Variants in SPAG1 observed in about 807,000 individuals in gnomAD.
SPAG1 encodes sperm associated antigen 1, also known as sperm-associated antigen 1.
In SPAG1, 69 loss-of-function variants were observed where a neutral mutation model predicts 100.5. The ratio of observed to expected loss-of-function variants is 0.69; its 90% confidence interval spans 0.57 to 0.84. SPAG1 has a LOEUF of 0.84. SPAG1 is among the 40% of genes least tolerant of loss of function. SPAG1 has a pLI of 0.00. For synonymous variants in SPAG1, 336 were observed against 411.6 expected, an observed-to-expected ratio of 0.82 and a Z score of 2.22; for missense variants, 955 against 1,133.1, an observed-to-expected ratio of 0.84 and a Z score of 2.26.
chr8:100,239,289 C>A lies in SPAG1; in HGVS notation c.2165C>A (p.Pro722Gln). ...CTCAATAAAGTTATCCTACTAGATC[C>A]AAGTATTATTGAGGCAAAGATGGAA... Reference protein sequence around the residue: ...IDLNKVILLDPSIIEAKMELE... With the variant: ...IDLNKVILLDQSIIEAKMELE... The change falls in exon 17 of 19, where the codon CCA becomes CAA. Residue 722 changes from proline (P) to glutamine (Q), a missense_variant. Transcript: ENST00000388798. The surrounding 1 kb of genome is among the most constrained non-coding windows in gnomAD (Gnocchi z 5.0). 1 of 1,541,930 alleles carries A rather than the reference C, an allele frequency of 6.5e-7. No homozygotes were observed. Among genetic ancestry groups the A allele is most frequent in the Non-Finnish European group, 8.7e-7 (1 of 1,145,764 alleles).
At chr8:100,212,429 T>A (rs1457703903) in intron 10 of SPAG1, among the ~76,000 whole-genome samples, 1 of 152,192 alleles carries the variant, frequency 6.6e-6, no homozygotes, top group African/African-American at 2.4e-5. Context: ...CTTTTTATAT[T>A]TAAAAATAGA....
At chr8:100,221,073 C>A (rs2919470) in intron 13 of SPAG1, among the ~76,000 whole-genome samples, 101,811 of 149,084 alleles carry the variant, frequency 0.68, 35,097 homozygotes, top group African/African-American at 0.83. Context: ...ATTCCAACTC[C>A]AAAAAAAAAA....
intron 4 of SPAG1, among the ~76,000 whole-genome samples, chr8:100,178,381 G>T (rs964450516): frequency 2.0e-5 from 3 of 151,844 alleles, no homozygotes; most frequent in Admixed American, 2.0e-4. Context: ...ACTTATAAAT[G>T]TCATTCCTCT....
At chr8:100,161,215 G>A (rs1342850829) in intron 1 of SPAG1, among the ~76,000 whole-genome samples, 11 of 152,052 alleles carry the variant, frequency 7.2e-5, no homozygotes, top group Non-Finnish European at 1.2e-4. Flanking sequence ...GTGGTGGCAC[G>A]TGCCTGTAGT....
At position 100,225,244 on chromosome 8, in the gene SPAG1, C is replaced by G. The variant is rs765129344; in HGVS notation, c.1760C>G (p.Pro587Arg). 1.2e-6 allele frequency: 2 copies of G among 1,613,912 alleles called. No individual in the cohort carries two copies. Among genetic ancestry groups the G allele is most frequent in the South Asian group, 2.2e-5 (2 of 91,074 alleles). ...REKLSPIPAVPASVPLQAWHP... is the reference protein window; with the variant it reads ...REKLSPIPAVRASVPLQAWHP... Reference sequence around the variant, plus strand: ...AAGCTGTCACCTATTCCTGCTGTGCCTGCTTCTGTGCCACTGCAAGCTTGG... The same window carrying G: ...AAGCTGTCACCTATTCCTGCTGTGCGTGCTTCTGTGCCACTGCAAGCTTGG... Residue 587 changes from proline (P) to arginine (R), a missense_variant, in exon 14 of 19, where the codon CCT (proline) becomes CGT (arginine). By Grantham distance (103) the Pro-to-Arg change is moderately radical (BLOSUM62 -2). Transcript: ENST00000388798.
intron 13 of SPAG1, among the ~76,000 whole-genome samples, chr8:100,221,378 C>T (rs570617474): frequency 6.6e-6 from 1 of 152,268 alleles, no homozygotes; most frequent in South Asian, 2.1e-4. Flanking sequence ...CCTATTTACC[C>T]CCAGCGTGAG....
chr8:100,193,143 CAA>C (rs919247996), intron 9 of SPAG1, among the ~76,000 whole-genome samples: 4 of 152,044 alleles, frequency 2.6e-5, no homozygotes, highest in Admixed American at 6.6e-5. Context: ...ATATACTTTT[CAA>C]AGACACTATT....
In SPAG1 at chr8:100,231,190, A is replaced by G. The variant is rs141919974; in HGVS notation, c.1890A>G (p.Gly630=). 13 of 1,608,166 alleles carry G rather than the reference A, an allele frequency of 8.1e-6. No individual in the cohort carries two copies. The African/African-American group carries it at 1.1e-4, about 13-fold the overall frequency. ...EKTFKALKEE[G]NQCVNDKNYK... ...CATTTAAAGCCCTTAAGGAAGAAGG[A>G]AATCAATGTGTAAATGACAAAAACT... Residue 630 remains glycine, a synonymous_variant, in exon 15 of 19, where the codon GGA becomes GGG. Coordinates refer to ENST00000388798, the MANE Select transcript of SPAG1 (RefSeq NM_003114.5).
intron 10 of SPAG1, among the ~76,000 whole-genome samples, chr8:100,208,487 A>G (rs1479811637): frequency 3.9e-5 from 6 of 152,230 alleles, no homozygotes; most frequent in African/African-American, 1.2e-4. Context: ...CCATCAGGAA[A>G]AAAAACCACG....
At chr8:100,233,949 G>C (rs1396993409) in intron 16 of SPAG1, among the ~76,000 whole-genome samples, 1 of 152,226 alleles carries the variant, frequency 6.6e-6, no homozygotes, top group Non-Finnish European at 1.5e-5. Context: ...CGGAAGTTGG[G>C]AGAGACACAT....
intron 13 of SPAG1, among the ~76,000 whole-genome samples, chr8:100,223,197 C>T (rs1818359223): frequency 6.6e-6 from 1 of 152,148 alleles, no homozygotes; most frequent in African/African-American, 2.4e-5. Flanking sequence ...TCATTTTCAC[C>T]TTTTGGCTAT....
chr8:100,236,359 G>A (rs1819005922), intron 16 of SPAG1, among the ~76,000 whole-genome samples: 1 of 152,192 alleles, frequency 6.6e-6, no homozygotes, highest in South Asian at 2.1e-4. Context: ...GCCAGGATTG[G>A]TGTTAAACCC....
At chr8:100,203,358 T>C (rs894484725) in intron 10 of SPAG1, among the ~76,000 whole-genome samples, 1 of 152,126 alleles carries the variant, frequency 6.6e-6, no homozygotes, top group Non-Finnish European at 1.5e-5. Flanking sequence ...ATTAGTTCTG[T>C]CCCTCTAGAG....
At chr8:100,169,757 C>G (rs1815734850) in intron 3 of SPAG1, among the ~76,000 whole-genome samples, 1 of 151,974 alleles carries the variant, frequency 6.6e-6, no homozygotes, top group Admixed American at 6.6e-5. Context: ...ATCAGTTGAT[C>G]TTATGTGTGG....
In SPAG1 at chr8:100,178,077, G is replaced by T. The variant is rs999852941; in HGVS notation, c.426+136G>T. ...AATTGGGGAGTTTGTTCAGCTGGCTGGGAACTATCGGCTGGGAACTATCAC... is the reference window on the plus strand; with the variant it reads ...AATTGGGGAGTTTGTTCAGCTGGCTTGGAACTATCGGCTGGGAACTATCAC... On this transcript the variant is annotated intron_variant, in intron 4 of 18. Transcript: ENST00000388798. 5 of 586,102 alleles carry T rather than the reference G, an allele frequency of 8.5e-6. No homozygotes were observed. In the African/African-American group the frequency reaches 9.2e-5, roughly 11 times the overall value. 36.3% of individuals were successfully genotyped at this position (586,102 alleles called of 1,614,324 possible).
At chr8:100,224,076 G>A (rs547229986) in intron 13 of SPAG1, among the ~76,000 whole-genome samples, 2 of 152,236 alleles carry the variant, frequency 1.3e-5, no homozygotes, top group South Asian at 2.1e-4. Flanking sequence ...TTCAAAAGAC[G>A]TAATTTTTAA....
chr8:100,226,724 C>T (rs1818531086), intron 14 of SPAG1, among the ~76,000 whole-genome samples: 1 of 151,862 alleles, frequency 6.6e-6, no homozygotes, highest in Non-Finnish European at 1.5e-5. Context: ...ATTTAAATAA[C>T]ATGTAGCTCT....
intron 12 of SPAG1, among the ~76,000 whole-genome samples, chr8:100,215,840 G>A (rs1228861897): frequency 1.3e-5 from 2 of 152,236 alleles, no homozygotes; most frequent in Non-Finnish European, 2.9e-5. Context: ...ATTGATATGG[G>A]TAAAGCTTGC....
In SPAG1 at chr8:100,240,874, T is replaced by C; in HGVS notation, c.2650-17T>C. On this transcript the variant is annotated splice_polypyrimidine_tract_variant and intron_variant, in intron 18 of 18. Transcript: ENST00000388798. ...CATAGTTGGTTTTTTGTTTTTTTTT[T>C]TTTTTGCTTCTTTTAGATGATGTTG... is the stretch of plus-strand genomic sequence containing the variant. The C allele has an allele frequency of 6.4e-7, 1 of 1,568,414 alleles. No individual in the cohort carries two copies. Among genetic ancestry groups the C allele is most frequent in the Non-Finnish European group, 8.6e-7 (1 of 1,165,380 alleles).
Sources: allele counts gnomAD v4.1 joint callset (sites outside exome capture counted in the v4.1 genomes callset), GRCh38; gene constraint gnomAD v4.1.1; non-coding constraint Gnocchi (gnomAD v3.1); transcripts MANE v1.5; gene names NCBI Gene and HGNC (gene_info 2026-07-23, HGNC 2026-07-21).